Variants in CDH13 observed in about 807,000 individuals in gnomAD.
CDH13 encodes the protein cadherin-13.
CDH13 carries 24 observed loss-of-function variants against 63.8 expected under a neutral mutation model. The ratio of observed to expected loss-of-function variants is 0.38; its 90% CI spans 0.27 to 0.53. CDH13 has a LOEUF of 0.53. Among genes scored for constraint, CDH13 ranks in the 20% least tolerant of loss-of-function variants. CDH13 has a pLI of 0.85. For synonymous variants in CDH13, 503 were observed against 355.3 expected (o/e 1.42, Z -4.67); for missense variants, 1,049 against 903.1 (o/e 1.16, Z -2.07).
chr16:83,003,527 A>G (rs1214839490), intron 2 of CDH13, among the ~76,000 whole-genome samples: 1 of 152,210 alleles, frequency 6.6e-6, no homozygotes, highest in East Asian at 1.9e-4. Flanking sequence ...GAGCAAGGAA[A>G]AGCAAACAAA....
intron 6 of CDH13, among the ~76,000 whole-genome samples, chr16:83,424,352 G>A (rs1269170990): frequency 6.6e-6 from 1 of 152,236 alleles, no homozygotes; most frequent in Non-Finnish European, 1.5e-5. Context: ...TCATAGTCAC[G>A]TGGTTAGCAT....
At chr16:82,864,334 C>G (rs574270800) in intron 2 of CDH13, among the ~76,000 whole-genome samples, 3 of 152,166 alleles carry the variant, frequency 2.0e-5, no homozygotes, top group South Asian at 2.1e-4. Flanking sequence ...GTGTATTAGC[C>G]TATTTTCATA....
At chr16:83,080,000 T>C (rs1389372616) in intron 3 of CDH13, among the ~76,000 whole-genome samples, 1 of 152,246 alleles carries the variant, frequency 6.6e-6, no homozygotes, top group African/African-American at 2.4e-5. Flanking sequence ...ACGTTTGGAC[T>C]AATAAAAATG....
intron 2 of CDH13, among the ~76,000 whole-genome samples, chr16:82,968,179 C>T (rs72790191): frequency 2.0e-5 from 3 of 152,166 alleles, no homozygotes; most frequent in Non-Finnish European, 2.9e-5. Flanking sequence ...CTGTTGCTAC[C>T]CTTATTTATT....
chr16:82,836,142 T>C (rs530805020), intron 1 of CDH13, among the ~76,000 whole-genome samples: 10 of 152,180 alleles, frequency 6.6e-5, no homozygotes, highest in Non-Finnish European at 1.3e-4. Context: ...TTTTGTTTTT[T>C]TGAGATGGAG....
chr16:82,633,693 T>C (rs1308713805), intron 1 of CDH13, among the ~76,000 whole-genome samples: 1 of 152,188 alleles, frequency 6.6e-6, no homozygotes, highest in African/African-American at 2.4e-5. Flanking sequence ...CCCTTATCCA[T>C]AGGACACTGT....
At chr16:82,649,780 C>T (rs1910511512) in intron 1 of CDH13, among the ~76,000 whole-genome samples, 1 of 152,176 alleles carries the variant, frequency 6.6e-6, no homozygotes, top group Non-Finnish European at 1.5e-5. Context: ...CACCAGACTG[C>T]CTGGGTTTGA....
chr16:82,711,707 A>G (rs1227452547), intron 1 of CDH13, among the ~76,000 whole-genome samples: 1 of 152,196 alleles, frequency 6.6e-6, no homozygotes, highest in African/African-American at 2.4e-5. Context: ...GGCTATTCCC[A>G]TTATGTTTTG....
At chr16:83,248,969 C>T (rs1802650016) in intron 5 of CDH13, among the ~76,000 whole-genome samples, 1 of 152,170 alleles carries the variant, frequency 6.6e-6, no homozygotes. Context: ...AAGTTATCAC[C>T]AGCTTTCACT....
At chr16:83,345,786 C>T (rs2090826771) in intron 6 of CDH13, among the ~76,000 whole-genome samples, 1 of 152,082 alleles carries the variant, frequency 6.6e-6, no homozygotes, top group Non-Finnish European at 1.5e-5. Context: ...CTTTAAAATA[C>T]ACTTGAGTGA....
At chr16:82,827,502 C>A (rs1459655571) in intron 1 of CDH13, among the ~76,000 whole-genome samples, 1 of 152,120 alleles carries the variant, frequency 6.6e-6, no homozygotes, top group Non-Finnish European at 1.5e-5. Context: ...GTCTTGGGCT[C>A]TGTAAGTGAG....
At chr16:83,490,126 A>G (rs1490784228) in intron 7 of CDH13, among the ~76,000 whole-genome samples, 3 of 152,092 alleles carry the variant, frequency 2.0e-5, no homozygotes, top group Non-Finnish European at 2.9e-5. Context: ...GGGAGTGGAT[A>G]CTCTGGAATC....
At chr16:82,851,440 AAAAATAAAAAG>A (rs1165635727) in intron 1 of CDH13, among the ~76,000 whole-genome samples, 3 of 53,210 alleles carry the variant, frequency 5.6e-5, no homozygotes, top group Admixed American at 2.9e-4. Context: ...GTCTCAAAAA[AAAAATAAAAAG>A]AAAAAGAAAA....
chr16:83,534,196 C>T (rs955338319), intron 7 of CDH13, among the ~76,000 whole-genome samples: 3 of 152,090 alleles, frequency 2.0e-5, no homozygotes, highest in African/African-American at 7.2e-5. Context: ...TCTGGATGCT[C>T]CATACAAATG....
chr16:83,437,063 G>C (rs1268624545), intron 6 of CDH13, among the ~76,000 whole-genome samples: 1 of 152,070 alleles, frequency 6.6e-6, no homozygotes, highest in East Asian at 1.9e-4. Context: ...AGGCATGCTT[G>C]GTACTGTTTT....
In CDH13 at chr16:83,486,602, C is replaced by T; in HGVS notation, c.907C>T (p.Pro303Ser). ...KPSPNMFYID[P>S]EKGDIVTVVS... ...ATCTCCCAACATGTTCTACATCGAT[C>T]CTGAGAAAGGAGACATTGTCACTGT... Residue 303 changes from proline to serine, a missense_variant, in exon 7 of 14, where the codon CCT becomes TCT. Pro to Ser is a moderately conservative substitution (Grantham distance 74). Transcript: ENST00000567109. 1 of 1,613,906 alleles carries T rather than the reference C, an allele frequency of 6.2e-7. No homozygotes were observed. The highest frequency in any genetic ancestry group is 1.7e-5 in the Admixed American group (1 of 60,018).
chr16:83,479,934 T>G (rs972874644), intron 6 of CDH13, among the ~76,000 whole-genome samples: 2 of 152,166 alleles, frequency 1.3e-5, no homozygotes, highest in African/African-American at 4.8e-5. Context: ...TCTGAAAATA[T>G]TCTTGGGGGA....
intron 10 of CDH13, among the ~76,000 whole-genome samples, chr16:83,723,108 C>G (rs1909910554): frequency 6.6e-6 from 1 of 152,196 alleles, no homozygotes; most frequent in Non-Finnish European, 1.5e-5. Flanking sequence ...AAACTGGTTA[C>G]CAGAAGCAAG....
At chr16:82,675,990 C>G (rs1009274971) in intron 1 of CDH13, among the ~76,000 whole-genome samples, 4 of 152,186 alleles carry the variant, frequency 2.6e-5, no homozygotes, top group African/African-American at 9.7e-5. Context: ...TGCTCAAACT[C>G]AATTCCCTGT....
Sources: gnomAD v4.1 joint callset for allele counts (sites outside exome capture counted in the v4.1 genomes callset) on GRCh38, gnomAD v4.1.1 for gene constraint, MANE v1.5 for transcripts, NCBI Gene and HGNC (gene_info 2026-07-23, HGNC 2026-07-21) for gene names.